Variants in SLC20A2 observed in about 807,000 individuals in gnomAD.
The protein encoded by SLC20A2 is solute carrier family 20 member 2.
A neutral mutation model predicts 61.0 loss-of-function variants in SLC20A2; 30 were observed. That is an observed-to-expected ratio of 0.49 (90% CI 0.37 to 0.67). SLC20A2 has a LOEUF of 0.67. Among genes scored for constraint, SLC20A2 ranks in the 30% least tolerant of loss-of-function variants. SLC20A2 has a pLI of 0.00. For missense variants in SLC20A2, 626 were observed against 866.4 expected (o/e 0.72, Z 3.48); for synonymous variants, 351 against 353.3 (o/e 0.99, Z 0.07).
intron 5 of SLC20A2, among the ~76,000 whole-genome samples, chr8:42,453,937 C>T (rs1252581397): frequency 2.0e-5 from 3 of 152,144 alleles, no homozygotes; most frequent in East Asian, 3.9e-4. Flanking sequence ...TGGCCTTCTC[C>T]GTCCATGGTT....
intron 5 of SLC20A2, among the ~76,000 whole-genome samples, 169 bp downstream of exon 5, chr8:42,459,727 T>C (rs903827808): frequency 9.9e-5 from 15 of 152,234 alleles, no homozygotes; most frequent in Admixed American, 6.5e-4. Context: ...TATTCTATAA[T>C]GACCATGAGT....
intron 1 of SLC20A2, among the ~76,000 whole-genome samples, chr8:42,488,336 C>T: frequency 6.6e-6 from 1 of 151,822 alleles, no homozygotes; most frequent in Non-Finnish European, 1.5e-5. Context: ...CAGGTGTGCA[C>T]CACCACACCT....
intron 1 of SLC20A2, among the ~76,000 whole-genome samples, chr8:42,519,175 G>C (rs527372043): frequency 1.3e-5 from 2 of 152,316 alleles, no homozygotes; most frequent in South Asian, 4.1e-4. Context: ...ACCAGGCACG[G>C]TGGCTCACGC....
At chr8:42,460,547 T>G (rs1229015891) in intron 4 of SLC20A2, among the ~76,000 whole-genome samples, 2 of 152,234 alleles carry the variant, frequency 1.3e-5, no homozygotes, top group Non-Finnish European at 2.9e-5. Flanking sequence ...TTTCCGAATC[T>G]TTTCCCAAGG....
chr8:42,433,999 C>A (rs1373049522), intron 8 of SLC20A2, among the ~76,000 whole-genome samples: 2 of 152,178 alleles, frequency 1.3e-5, no homozygotes, highest in Admixed American at 6.5e-5. Context: ...AATTTCTCTA[C>A]ATCCTTGACA....
intron 1 of SLC20A2, among the ~76,000 whole-genome samples, chr8:42,476,463 T>C (rs1003518221): frequency 2.0e-5 from 3 of 152,106 alleles, no homozygotes; most frequent in African/African-American, 7.2e-5. Flanking sequence ...GCAGTGGCTG[T>C]ACTACTGTAC....
intron 1 of SLC20A2, among the ~76,000 whole-genome samples, chr8:42,526,986 T>C (rs1000424351): frequency 4.6e-5 from 7 of 151,534 alleles, no homozygotes; most frequent in Non-Finnish European, 1.0e-4. Context: ...GCGCCTATAG[T>C]ACCAGCTACT....
chr8:42,440,448 G>A (rs1804689758), intron 6 of SLC20A2, among the ~76,000 whole-genome samples: 1 of 152,132 alleles, frequency 6.6e-6, no homozygotes, highest in Non-Finnish European at 1.5e-5. Flanking sequence ...ATCCATCCAC[G>A]TTGTTACATG....
intron 10 of SLC20A2, among the ~76,000 whole-genome samples, chr8:42,419,059 G>C (rs1304751260): frequency 6.6e-6 from 1 of 151,098 alleles, no homozygotes; most frequent in Non-Finnish European, 1.5e-5. Context: ...TAGTTAACAG[G>C]GAACATTTAA....
chr8:42,442,226 C>G (rs1370395016), intron 6 of SLC20A2, among the ~76,000 whole-genome samples: 1 of 152,204 alleles, frequency 6.6e-6, no homozygotes, highest in Non-Finnish European at 1.5e-5. Flanking sequence ...AGCCACCATG[C>G]CTGGCCCAAC....
At chr8:42,484,978 T>G (rs931779224) in intron 1 of SLC20A2, 1 of 302,292 alleles carries the variant, frequency 3.3e-6, no homozygotes, top group Non-Finnish European at 6.5e-6. Flanking sequence ...AAGGCCTGCA[T>G]TTGGACCAAA....
intron 1 of SLC20A2, among the ~76,000 whole-genome samples, chr8:42,526,624 G>GT (rs748957738): frequency 5.4e-4 from 81 of 149,464 alleles, no homozygotes; most frequent in Non-Finnish European, 9.5e-4. Flanking sequence ...AGTGAGCCGA[G>GT]ATCGCGCCAC....
At chr8:42,478,440 G>A (rs186016838) in intron 1 of SLC20A2, among the ~76,000 whole-genome samples, 1 of 152,142 alleles carries the variant, frequency 6.6e-6, no homozygotes, top group East Asian at 1.9e-4. Context: ...TTGAACTCCT[G>A]ACCTCAAGTG....
chr8:42,536,908 C>T (rs554192745), intron 1 of SLC20A2, among the ~76,000 whole-genome samples: 23 of 151,786 alleles, frequency 1.5e-4, no homozygotes, highest in Non-Finnish European at 3.1e-4. Flanking sequence ...ACCCCGTCTT[C>T]TACTAAAAAT....
intron 1 of SLC20A2, among the ~76,000 whole-genome samples, chr8:42,525,411 G>A (rs763319258): frequency 9.2e-5 from 14 of 151,692 alleles, no homozygotes; most frequent in South Asian, 4.2e-4. Flanking sequence ...GTGAAACCCC[G>A]TCTGTACCAC....
chr8:42,437,295 T>A lies in SLC20A2; in HGVS notation c.1217A>T (p.Asp406Val), dbSNP rs1442328985. 6.2e-7 allele frequency: 1 copy of A among 1,613,970 alleles called. No homozygotes were observed. The highest frequency in any genetic ancestry group is 1.3e-5 in the African/African-American group (1 of 74,920). The change falls in exon 8 of 11, where the codon GAC becomes GTC. Residue 406 changes from aspartate to valine, a missense_variant. Asp to Val is a radical substitution (Grantham distance 152, BLOSUM62 -3). Transcript: ENST00000520262. This position sits in a 1 kb window ranked among gnomAD's most constrained non-coding sequence, Gnocchi z 6.4. ...CTCACTGTCCTCTGGGGCCGATGAGTCCGCAGCTCGAAAGGTGGCGTGCAC... is the reference window on the plus strand; with the variant it reads ...CTCACTGTCCTCTGGGGCCGATGAGACCGCAGCTCGAAAGGTGGCGTGCAC... ...LPVHATFRAA[D>V]SSAPEDSEKL...
intron 5 of SLC20A2, among the ~76,000 whole-genome samples, chr8:42,455,257 TAGAGAGAGAGAGAGAG>T (rs71548583): frequency 3.7e-5 from 3 of 81,622 alleles, no homozygotes; most frequent in Non-Finnish European, 4.7e-5. Context: ...TATATATATA[TAGAGAGAGAGAGAGAG>T]AGAGAGAGAG....
At chr8:42,531,833 CTTTT>C (rs201553457) in intron 1 of SLC20A2, among the ~76,000 whole-genome samples, 1,930 of 82,974 alleles carry the variant, frequency 0.023, 15 homozygotes, top group East Asian at 0.087. Flanking sequence ...TTTTTTTTTT[CTTTT>C]TGAGACAGAG....
chr8:42,459,235 C>CAAAAAAAA (rs756966778), intron 5 of SLC20A2, among the ~76,000 whole-genome samples: 4 of 36,072 alleles, frequency 1.1e-4, no homozygotes, highest in Admixed American at 3.0e-4. Flanking sequence ...GACTCTATCT[C>CAAAAAAAA]AAAAAAAAAA....
Sources: allele counts gnomAD v4.1 joint callset (sites outside exome capture counted in the v4.1 genomes callset), GRCh38; gene constraint gnomAD v4.1.1; non-coding constraint Gnocchi (gnomAD v3.1); transcripts MANE v1.5; gene names NCBI Gene and HGNC (gene_info 2026-07-23, HGNC 2026-07-21).